The following IFT74 variants were observed in gnomAD, a reference collection of about 807,000 sequenced individuals.
IFT74 encodes the protein intraflagellar transport 74.
A neutral mutation model predicts 96.7 loss-of-function variants in IFT74; 92 were observed. The ratio of observed to expected loss-of-function variants is 0.95; its 90% CI spans 0.80 to 1.13. IFT74 has a LOEUF of 1.13. IFT74 is among the 50% of genes most tolerant of loss of function. The probability of loss-of-function intolerance (pLI) is 0.00; values close to 1 mark genes in which losing one functional copy is unlikely to be tolerated. For synonymous variants in IFT74, 223 were observed against 213.2 expected (o/e 1.05, Z -0.40); for missense variants, 811 against 698.2 (o/e 1.16, Z -1.82).
intron 9 of IFT74, among the ~76,000 whole-genome samples, chr9:27,010,791 A>G (rs1829032133): frequency 6.6e-6 from 1 of 152,092 alleles, no homozygotes; most frequent in South Asian, 2.1e-4. Flanking sequence ...TTAGGCTCCT[A>G]CAGATGAGTG....
chr9:27,009,347 A>G (rs1415650404), intron 9 of IFT74, among the ~76,000 whole-genome samples, 189 bp downstream of exon 9: 3 of 152,040 alleles, frequency 2.0e-5, no homozygotes, highest in South Asian at 4.1e-4. Flanking sequence ...AGAAAACTTC[A>G]TTTTCATCTG....
At position 27,056,407 on chromosome 9, in the gene IFT74, T is replaced by C. The variant is rs1327571016; in HGVS notation, c.1571T>C (p.Ile524Thr). ...AFKKIMEKQN[I>T]EYEALKTQLQ... ...AAGAAAATAATGGAGAAGCAAAACATAGAGTATGAGGCACTAAAAACACAA... is the reference window on the plus strand; with the variant it reads ...AAGAAAATAATGGAGAAGCAAAACACAGAGTATGAGGCACTAAAAACACAA... Residue 524 changes from isoleucine (I) to threonine (T), a missense_variant, in exon 18 of 20, where the codon ATA (isoleucine) becomes ACA (threonine). Ile to Thr is a moderately conservative substitution (Grantham distance 89, BLOSUM62 -1). Transcript: ENST00000380062. The C allele has an allele frequency of 1.2e-6, 2 of 1,602,894 alleles. No homozygotes were observed. The highest frequency in any genetic ancestry group is 1.7e-6 in the Non-Finnish European group (2 of 1,174,250).
intron 2 of IFT74, among the ~76,000 whole-genome samples, chr9:26,968,694 T>C (rs777456220): frequency 1.3e-5 from 2 of 152,230 alleles, no homozygotes. Context: ...TTCCAACTTA[T>C]TGGCATAGAG....
At chr9:27,047,564 G>A (rs1819747293) in intron 15 of IFT74, among the ~76,000 whole-genome samples, 193 bp downstream of exon 15, 1 of 151,898 alleles carries the variant, frequency 6.6e-6, no homozygotes. Context: ...AGGTAATTAG[G>A]GCAATAGAGA....
In IFT74 at chr9:26,976,679, A is replaced by C. The variant is rs186110115; in HGVS notation, c.121-1449A>C. 506 of 443,458 alleles carry C rather than the reference A, an allele frequency of 1.1e-3. 2 individuals carry two copies. In the Admixed American group the frequency reaches 0.012, roughly 11 times the overall value. 27.5% of individuals were successfully genotyped at this position (443,458 alleles called of 1,614,324 possible). On this transcript the variant is annotated intron_variant, in intron 2 of 19. Transcript: ENST00000380062. Reference sequence around the variant, plus strand: ...GTAAAATCAGAAAGAAGAAAAAAGGAGAAGAAAGGCAGGGGGTACCTGGAA... The same window carrying C: ...GTAAAATCAGAAAGAAGAAAAAAGGCGAAGAAAGGCAGGGGGTACCTGGAA...
intron 17 of IFT74, among the ~76,000 whole-genome samples, 153 bp from the exon 18 acceptor site, chr9:27,056,181 G>A (rs956110558): frequency 1.3e-5 from 2 of 152,062 alleles, no homozygotes; most frequent in African/African-American, 4.8e-5. Context: ...ATAGCTTATA[G>A]TTCAAAGGAT....
chr9:26,962,515 A>G (rs921198722), intron 2 of IFT74, among the ~76,000 whole-genome samples: 1 of 152,242 alleles, frequency 6.6e-6, no homozygotes, highest in African/African-American at 2.4e-5. Flanking sequence ...TCAAGCATAT[A>G]AGAATTTAGT....
At chr9:26,999,055 C>G (rs1471062927) in intron 8 of IFT74, among the ~76,000 whole-genome samples, 2 of 152,128 alleles carry the variant, frequency 1.3e-5, no homozygotes. Flanking sequence ...CTTAAACTCT[C>G]TGGGTTTAAC....
At chr9:26,957,700 A>G (rs531612822) in intron 1 of IFT74, among the ~76,000 whole-genome samples, 1 of 152,218 alleles carries the variant, frequency 6.6e-6, no homozygotes, top group African/African-American at 2.4e-5. Flanking sequence ...CAGTCCAAGG[A>G]CTGATTACGA....
At chr9:27,055,553 T>G (rs953636939) in intron 16 of IFT74, 56 bp from the exon 17 acceptor site, 5 of 1,196,490 alleles carry the variant, frequency 4.2e-6, no homozygotes, top group Non-Finnish European at 5.8e-6. Flanking sequence ...TTACATTTCC[T>G]TATGTGAAAG....
At chr9:26,952,845 C>G (rs1335921535), upstream of IFT74, among the ~76,000 whole-genome samples, 3 of 152,112 alleles carry the variant, frequency 2.0e-5, no homozygotes, top group Admixed American at 6.6e-5. Flanking sequence ...GTTCACTATT[C>G]AAGGGCCTAT....
At chr9:26,996,272 T>G in intron 8 of IFT74, 1 of 1,144,416 alleles carries the variant, frequency 8.7e-7, no homozygotes, top group Middle Eastern at 2.7e-4. Flanking sequence ...TTTAGTATGA[T>G]ACATTCAGCA....
At chr9:27,001,816 G>C (rs1469458236) in intron 8 of IFT74, among the ~76,000 whole-genome samples, 1 of 151,632 alleles carries the variant, frequency 6.6e-6, no homozygotes, top group African/African-American at 2.4e-5. Context: ...AAGCTTTTTT[G>C]CTTGGCGAAA....
intron 9 of IFT74, 49 bp from the exon 10 acceptor site, chr9:27,011,857 T>G (rs1258263940): frequency 1.5e-6 from 2 of 1,322,388 alleles, no homozygotes. Context: ...TACAACAAAT[T>G]ATTCTTAATG....
At chr9:27,010,488 T>G (rs958377167) in intron 9 of IFT74, among the ~76,000 whole-genome samples, 2 of 147,996 alleles carry the variant, frequency 1.4e-5, no homozygotes, top group East Asian at 2.0e-4. Context: ...TTTTTTTGTT[T>G]TTTTTTTTTT....
At chr9:26,996,159 C>A in intron 8 of IFT74, 1 of 566,384 alleles carries the variant, frequency 1.8e-6, no homozygotes, top group Non-Finnish European at 2.8e-6. Flanking sequence ...CTAGCAGAGC[C>A]TAGTTTGGAA....
At chr9:27,047,574 A>G (rs1357713743) in intron 15 of IFT74, among the ~76,000 whole-genome samples, 1 of 152,224 alleles carries the variant, frequency 6.6e-6, no homozygotes, top group Non-Finnish European at 1.5e-5. Context: ...GGCAATAGAG[A>G]AAAAGGATGA....
chr9:27,057,519 A>G (rs1480847619), intron 18 of IFT74, among the ~76,000 whole-genome samples: 2 of 152,174 alleles, frequency 1.3e-5, no homozygotes, highest in Admixed American at 6.5e-5. Context: ...ATTAGTCTAT[A>G]TTAGAAATTT....
intron 10 of IFT74, among the ~76,000 whole-genome samples, chr9:27,014,200 G>A (rs184318225): frequency 5.3e-5 from 8 of 152,208 alleles, no homozygotes; most frequent in Admixed American, 3.3e-4. Context: ...GGGCGACGGA[G>A]CAAGATTCTG....
Sources: gnomAD v4.1 joint callset for allele counts (sites outside exome capture counted in the v4.1 genomes callset) on GRCh38, gnomAD v4.1.1 for gene constraint, MANE v1.5 for transcripts, NCBI Gene and HGNC (gene_info 2026-07-23, HGNC 2026-07-21) for gene names.